Variants in ZBTB20 observed in about 807,000 individuals in gnomAD.
ZBTB20 encodes zinc finger and BTB domain containing 20, also known as zinc finger and BTB domain-containing protein 20.
A neutral mutation model predicts 56.9 loss-of-function variants in ZBTB20; 9 were observed. That is an observed-to-expected ratio of 0.16 (90% confidence interval 0.10 to 0.28). The LOEUF is 0.28. Among genes scored for constraint, ZBTB20 ranks in the 10% least tolerant of loss-of-function variants. ZBTB20 has a pLI of 1.00. For synonymous variants in ZBTB20, 417 were observed against 420.7 expected (o/e 0.99, Z 0.11); for missense variants, 655 against 1,003.0 (o/e 0.65, Z 4.69).
At chr3:114,790,817 T>C (rs1303596814) in intron 5 of ZBTB20, among the ~76,000 whole-genome samples, 3 of 151,904 alleles carry the variant, frequency 2.0e-5, no homozygotes, top group Non-Finnish European at 1.5e-5. Flanking sequence ...TCAGAGAATT[T>C]ATAGTAACAA....
At chr3:114,951,768 C>A (rs928455417) in intron 3 of ZBTB20, among the ~76,000 whole-genome samples, 1 of 151,948 alleles carries the variant, frequency 6.6e-6, no homozygotes. Flanking sequence ...ACAAGAAGAA[C>A]TAGGAACATG....
chr3:114,678,466 C>T (rs2061769177), intron 6 of ZBTB20, among the ~76,000 whole-genome samples: 1 of 152,176 alleles, frequency 6.6e-6, no homozygotes, highest in Non-Finnish European at 1.5e-5. Flanking sequence ...ACTGCCTTCA[C>T]CTCCACACTG....
chr3:114,997,219 G>C (rs1388689668), intron 2 of ZBTB20, among the ~76,000 whole-genome samples: 1 of 151,732 alleles, frequency 6.6e-6, no homozygotes, highest in Non-Finnish European at 1.5e-5. Flanking sequence ...GAGATAATCA[G>C]GTAGTTACAA....
At chr3:114,592,268 TTA>T (rs1352586872) in intron 6 of ZBTB20, among the ~76,000 whole-genome samples, 1 of 152,140 alleles carries the variant, frequency 6.6e-6, no homozygotes, top group Admixed American at 6.5e-5. Flanking sequence ...TTACGTGGAG[TTA>T]TATCATAATA....
chr3:114,798,929 T>A (rs2071521613), intron 5 of ZBTB20, among the ~76,000 whole-genome samples: 1 of 151,718 alleles, frequency 6.6e-6, no homozygotes, highest in South Asian at 2.1e-4. Context: ...GAATCCCTTT[T>A]GGAAATAAAT....
intron 4 of ZBTB20, among the ~76,000 whole-genome samples, chr3:114,869,052 T>C (rs1353393208): frequency 6.6e-6 from 1 of 152,118 alleles, no homozygotes; most frequent in Non-Finnish European, 1.5e-5. Flanking sequence ...TACTGGAACC[T>C]CCTCATTTTT....
intron 6 of ZBTB20, chr3:114,519,197 G>A (rs1358759616): frequency 1.3e-5 from 2 of 152,070 alleles, no homozygotes; most frequent in African/African-American, 2.4e-5. Flanking sequence ...CAATTGCTAG[G>A]GAAATCATCT....
rs144342993 is a variant in ZBTB20, at chr3:114,708,853, T to C, written c.-342-15278A>G. On this transcript the variant is annotated intron_variant, in intron 5 of 11. Coordinates refer to ENST00000675478, the MANE Select transcript of ZBTB20 (RefSeq NM_001348800.3). ...TGCTTGTTTCTGGGTAGAGAAATTATAAATAATTTTTGTTTATTTGAACTT... is the reference window on the plus strand; with the variant it reads ...TGCTTGTTTCTGGGTAGAGAAATTACAAATAATTTTTGTTTATTTGAACTT... Among the ~76,000 whole-genome samples the C allele has an allele frequency of 5.4e-3, 822 of 152,282 alleles. 5 individuals carry two copies. The highest frequency in any genetic ancestry group is 0.014 in the Middle Eastern group (4 of 294).
chr3:114,606,807 T>C (rs1306793099), intron 6 of ZBTB20, among the ~76,000 whole-genome samples: 1 of 151,984 alleles, frequency 6.6e-6, no homozygotes, highest in African/African-American at 2.4e-5. Flanking sequence ...AAAAAAAACA[T>C]TTTTGCGGCC....
At chr3:115,043,170 A>G (rs1054632982) in intron 2 of ZBTB20, among the ~76,000 whole-genome samples, 1 of 152,198 alleles carries the variant, frequency 6.6e-6, no homozygotes, top group Non-Finnish European at 1.5e-5. Context: ...ATATTGAACT[A>G]TAAAATTTCT....
intron 2 of ZBTB20, among the ~76,000 whole-genome samples, chr3:115,021,504 G>C (rs1047839250): frequency 2.7e-5 from 4 of 150,898 alleles, no homozygotes; most frequent in Non-Finnish European, 4.5e-5. Flanking sequence ...ATATTTATGT[G>C]TAATGAAGCT....
chr3:114,767,899 T>C (rs928756558), intron 5 of ZBTB20, among the ~76,000 whole-genome samples: 1 of 152,040 alleles, frequency 6.6e-6, no homozygotes, highest in African/African-American at 2.4e-5. Context: ...AAATGAAACT[T>C]ATCAACCTTC....
At chr3:114,408,245 T>C (rs2087538781) in intron 7 of ZBTB20, among the ~76,000 whole-genome samples, 1 of 152,214 alleles carries the variant, frequency 6.6e-6, no homozygotes, top group African/African-American at 2.4e-5. Context: ...TTATGGATTA[T>C]TTCTGGATAC....
At chr3:114,639,938 T>G (rs1459340602) in intron 6 of ZBTB20, among the ~76,000 whole-genome samples, 4 of 152,088 alleles carry the variant, frequency 2.6e-5, no homozygotes, top group Non-Finnish European at 4.4e-5. Context: ...TATAAAGATA[T>G]TCTAAGATTA....
At position 114,326,976 on chromosome 3, in the gene ZBTB20, G is replaced by T. The variant is rs1369360984; in HGVS notation, c.*12029C>A. 2 of 152,020 alleles carry T rather than the reference G, an allele frequency of 1.3e-5. No individual in the cohort carries two copies. The highest frequency in any genetic ancestry group is 2.1e-4 in the South Asian group (1 of 4,828). The allele number at this position is 152,020 out of a possible 1,614,324, so 9.4% of individuals were successfully genotyped here. ...GTGTGTGTGTTGCAGAGGGAGAGGG[G>T]AGCAAAGCAAGCTTTTCCTGGAGAA... On this transcript the variant is annotated 3_prime_UTR_variant, in exon 12 of 12. Coordinates refer to ENST00000675478, the MANE Select transcript of ZBTB20 (RefSeq NM_001348800.3).
rs188051198 is a variant in ZBTB20 at position 114,780,469 on chromosome 3, G to C, written c.-343+20632C>G. Among the ~76,000 whole-genome samples the C allele has an allele frequency of 2.4e-3, 368 of 152,266 alleles. 1 individual carries two copies. The highest frequency in any genetic ancestry group is 0.013 in the South Asian group (64 of 4,832). Reference sequence around the variant, plus strand: ...TCATTGCTAGAGACTAGCTTAAATAGTACAAAGTTGGTAACATCCTTCTCT... The same window carrying C: ...TCATTGCTAGAGACTAGCTTAAATACTACAAAGTTGGTAACATCCTTCTCT... On this transcript the variant is annotated intron_variant, in intron 5 of 11. Transcript: ENST00000675478.
At chr3:114,484,534 G>A (rs1453090370) in intron 7 of ZBTB20, among the ~76,000 whole-genome samples, 2 of 152,176 alleles carry the variant, frequency 1.3e-5, no homozygotes, top group Non-Finnish European at 2.9e-5. Context: ...CATGGACAAT[G>A]ATGCAGCTTT....
At chr3:114,696,270 C>A (rs899970736) in intron 5 of ZBTB20, among the ~76,000 whole-genome samples, 1 of 152,114 alleles carries the variant, frequency 6.6e-6, no homozygotes, top group East Asian at 1.9e-4. Flanking sequence ...ATTAAATGAA[C>A]CAATTTCTTA....
intron 4 of ZBTB20, among the ~76,000 whole-genome samples, chr3:114,812,085 C>T: frequency 6.6e-6 from 1 of 152,118 alleles, no homozygotes; most frequent in East Asian, 1.9e-4. Context: ...GCAGTGTGGA[C>T]CCAAAGAGTG....
Sources: allele counts gnomAD v4.1 joint callset (sites outside exome capture counted in the v4.1 genomes callset), GRCh38; gene constraint gnomAD v4.1.1; transcripts MANE v1.5; gene names NCBI Gene and HGNC (gene_info 2026-07-23, HGNC 2026-07-21).